The following PIWIL3 variants were observed in gnomAD, a reference collection of about 807,000 sequenced individuals.
PIWIL3 encodes piwi-like protein 3.
PIWIL3 carries 101 observed loss-of-function variants against 109.7 expected under a neutral mutation model. The ratio of observed to expected loss-of-function variants is 0.92; its 90% confidence interval spans 0.78 to 1.09. PIWIL3 has a LOEUF of 1.09. PIWIL3 is among the 50% of genes least tolerant of loss of function. The pLI is 0.00. For missense variants in PIWIL3, 1,031 were observed against 1,072.6 expected (o/e 0.96, Z 0.54); for synonymous variants, 373 against 376.4 (o/e 0.99, Z 0.10).
chr22:24,741,787 G>C (rs1393513569), intron 12 of PIWIL3, among the ~76,000 whole-genome samples: 1 of 152,028 alleles, frequency 6.6e-6, no homozygotes, highest in Non-Finnish European at 1.5e-5. Context: ...TGATCATTCA[G>C]GAGCAGGTTA....
In PIWIL3 at chr22:24,726,405, C is replaced by A. The variant is rs574715963; in HGVS notation, c.2010-890G>T. On this transcript the variant is annotated intron_variant, in intron 16 of 20. Transcript: ENST00000616349. ...TCACGCCATTCTCCTACCTCAGCCT[C>A]CTAAGTAGCTGGGACTACAGGCGCC... is the stretch of plus-strand genomic sequence containing the variant. 4.5e-3 allele frequency among the ~76,000 whole-genome samples: 683 copies of A among 152,128 alleles called. 5 individuals are homozygous for A. The highest frequency in any genetic ancestry group is 0.015 in the African/African-American group (623 of 41,504).
intron 14 of PIWIL3, among the ~76,000 whole-genome samples, chr22:24,733,356 A>ACC (rs539841808): frequency 4.1e-4 from 63 of 151,944 alleles, no homozygotes; most frequent in African/African-American, 1.4e-3. Flanking sequence ...GGTCTAAGAC[A>ACC]CCAAATGGAA....
chr22:24,762,290 C>T, intron 2 of PIWIL3, 108 bp downstream of exon 2: 1 of 1,449,444 alleles, frequency 6.9e-7, no homozygotes, highest in Non-Finnish European at 9.1e-7. Flanking sequence ...TTTATTAGTC[C>T]TCACTTAGCA....
rs377326400 is a variant in PIWIL3, at chr22:24,726,287, C to CTTTTT, written c.2010-777_2010-773dup. On this transcript the variant is annotated intron_variant, in intron 16 of 20. Transcript: ENST00000616349. Reference sequence around the variant, plus strand: ...AAGGTATTGGCTATTTTCTTTCTTTCTTTTTTTTTTTTTGAAACGGAGTCT... The same window carrying CTTTTT: ...AAGGTATTGGCTATTTTCTTTCTTTCTTTTTTTTTTTTTTTTTTGAAACGGAGTCT... Among the ~76,000 whole-genome samples, 122 of 143,964 alleles carry CTTTTT rather than the reference C, an allele frequency of 8.5e-4. 1 individual carries two copies. The highest frequency in any genetic ancestry group is 2.0e-3 in the African/African-American group (80 of 39,276). The allele number at this position is 143,964 out of a possible 152,430, so 94.4% of individuals were successfully genotyped here. A position where few individuals can be genotyped will look rare whatever the true frequency, so the allele number is the denominator to read the frequency against.
chr22:24,726,688 T>C (rs1228148577), intron 16 of PIWIL3, among the ~76,000 whole-genome samples: 1 of 152,240 alleles, frequency 6.6e-6, no homozygotes, highest in African/African-American at 2.4e-5. Context: ...TGTTGAATAA[T>C]TGAAAGTATA....
intron 12 of PIWIL3, among the ~76,000 whole-genome samples, chr22:24,748,096 C>A (rs1678867046): frequency 7.0e-6 from 1 of 141,880 alleles, no homozygotes; most frequent in Non-Finnish European, 1.6e-5. Flanking sequence ...TACTATTCAG[C>A]CGTAAAAAAA....
intron 2 of PIWIL3, chr22:24,762,037 C>A (rs757611338): frequency 1.2e-4 from 114 of 987,570 alleles, no homozygotes; most frequent in Non-Finnish European, 1.3e-4. Flanking sequence ...TTCAACAAGG[C>A]TGGAAACTCT....
chr22:24,739,312 C>G (rs987602313), intron 12 of PIWIL3, among the ~76,000 whole-genome samples: 4 of 152,192 alleles, frequency 2.6e-5, no homozygotes, highest in African/African-American at 9.6e-5. Context: ...AGCAGAACTT[C>G]CCAAACCTAA....
chr22:24,770,302 G>T (rs1347394345), intron 1 of PIWIL3, among the ~76,000 whole-genome samples: 2 of 152,176 alleles, frequency 1.3e-5, no homozygotes. Context: ...CAGAGCCATA[G>T]GTTTTTCTGA....
At position 24,770,640 on chromosome 22, in the gene PIWIL3, T is replaced by A. The variant is rs1163767541; in HGVS notation, c.-23+3682A>T. On this transcript the variant is annotated intron_variant, in intron 1 of 20. Coordinates refer to ENST00000616349, the MANE Select transcript of PIWIL3 (RefSeq NM_001255975.1). ...GAGTTCGAGACCAGCCTGGCCGACA[T>A]GGTGAAACCCCGTCTCTACTAAAAA... 1.5e-4 allele frequency among the ~76,000 whole-genome samples: 21 copies of A among 136,220 alleles called. No individual in the cohort carries two copies. The South Asian group carries it at 4.9e-3, about 32-fold the overall frequency. 89.4% of individuals were successfully genotyped at this position (136,220 alleles called of 152,430 possible).
At chr22:24,753,239 T>C (rs62232187) in intron 8 of PIWIL3, among the ~76,000 whole-genome samples, 29,313 of 152,194 alleles carry the variant, frequency 0.19, 3,134 homozygotes, top group Admixed American at 0.31. Context: ...GTCAAAAAGA[T>C]TCAGTCCTAT....
rs35204283 is a variant in PIWIL3 at position 24,755,913 on chromosome 22, T to TAA, written c.571-10_571-9dup. On this transcript the variant is annotated splice_polypyrimidine_tract_variant and intron_variant, in intron 5 of 20. Coordinates refer to ENST00000616349, the MANE Select transcript of PIWIL3 (RefSeq NM_001255975.1). ...GCTCAACCATTCCACTCTCTGAGAT[T>TAA]AAAAAAAAACAAAAAAAAAAGTCCA... is the stretch of plus-strand genomic sequence containing the variant. 7.8e-6 allele frequency: 12 copies of TAA among 1,537,202 alleles called. No individual in the cohort carries two copies. Among genetic ancestry groups the TAA allele is most frequent in the Non-Finnish European group, 9.6e-6 (11 of 1,142,768 alleles).
intron 18 of PIWIL3, 37 bp downstream of exon 18, chr22:24,724,850 G>A (rs774701153): frequency 8.2e-6 from 13 of 1,591,498 alleles, no homozygotes; most frequent in Admixed American, 1.7e-5. Flanking sequence ...GGGATTACAG[G>A]CATGAGTCAC....
chr22:24,739,621 C>T (rs1389779176), intron 12 of PIWIL3, among the ~76,000 whole-genome samples: 1 of 151,972 alleles, frequency 6.6e-6, no homozygotes, highest in African/African-American at 2.4e-5. Flanking sequence ...AGGACAAAGA[C>T]TTTTCCAGAC....
rs187773978 is a variant in PIWIL3 at position 24,724,022 on chromosome 22, C to A, written c.2232-767G>T. 1.6e-3 allele frequency among the ~76,000 whole-genome samples: 244 copies of A among 152,238 alleles called. 1 individual carries two copies. The highest frequency in any genetic ancestry group is 5.5e-3 in the African/African-American group (230 of 41,530). ...TATCTGAATTTAACAAGCCTTCCCA[C>A]AGCAAGACTTGAAACAAAGTAGGAA... On this transcript the variant is annotated intron_variant, in intron 18 of 20. Transcript: ENST00000616349.
At chr22:24,767,020 G>A (rs1925835374) in intron 1 of PIWIL3, among the ~76,000 whole-genome samples, 1 of 151,758 alleles carries the variant, frequency 6.6e-6, no homozygotes, top group Non-Finnish European at 1.5e-5. Context: ...GTAGTCCCTG[G>A]TGCTTGGGAG....
chr22:24,751,478 C>T lies in PIWIL3; in HGVS notation c.998G>A (p.Arg333Lys). ...CTGCTTCCAATCAATATCATCTACT[C>T]TGTAGGTTTTGTTGTTGTATCTGTG... Reference protein sequence around the residue: ...VLTKYNNKTYRVDDIDWKQNP... With the variant: ...VLTKYNNKTYKVDDIDWKQNP... The change falls in exon 9 of 21, where the codon AGA becomes AAA. Residue 333 changes from arginine (R) to lysine (K), a missense_variant. Physicochemically the swap from Arg to Lys is conservative, Grantham distance 26. Transcript: ENST00000616349. 1 of 1,611,334 alleles carries T rather than the reference C, an allele frequency of 6.2e-7. No homozygotes were observed. The highest frequency in any genetic ancestry group is 1.1e-5 in the South Asian group (1 of 90,090).
At chr22:24,726,276 T>TTTCG (rs1922987901) in intron 16 of PIWIL3, among the ~76,000 whole-genome samples, 1 of 150,630 alleles carries the variant, frequency 6.6e-6, no homozygotes, top group African/African-American at 2.5e-5. Flanking sequence ...TATTGGCTAT[T>TTTCG]TTCTTTCTTT....
chr22:24,734,980 T>C (rs1923575137), intron 13 of PIWIL3, among the ~76,000 whole-genome samples: 1 of 151,814 alleles, frequency 6.6e-6, no homozygotes, highest in Non-Finnish European at 1.5e-5. Context: ...CTGAGAAGAC[T>C]ACATACTGTA....
Sources: gnomAD v4.1 joint callset for allele counts (sites outside exome capture counted in the v4.1 genomes callset) on GRCh38, gnomAD v4.1.1 for gene constraint, MANE v1.5 for transcripts, NCBI Gene and HGNC (gene_info 2026-07-23, HGNC 2026-07-21) for gene names.